The following PTGFRN variants were observed in gnomAD, a reference collection of about 807,000 sequenced individuals.
The protein encoded by PTGFRN is prostaglandin F2 receptor negative regulator.
Under a neutral mutation model 83.2 loss-of-function variants are expected in PTGFRN, and 35 were observed. The ratio of observed to expected loss-of-function variants is 0.42; its 90% CI spans 0.32 to 0.56. The LOEUF (loss-of-function observed/expected upper bound fraction) is 0.56. PTGFRN is among the 20% of genes least tolerant of loss of function. PTGFRN has a pLI of 0.11. For synonymous variants in PTGFRN, 519 were observed against 498.6 expected, an observed-to-expected ratio of 1.04 and a Z score of -0.55; for missense variants, 1,051 against 1,179.5, an observed-to-expected ratio of 0.89 and a Z score of 1.60.
chr1:116,985,073 TTG>T, intron 8 of PTGFRN, 88 bp downstream of exon 8: 1 of 1,369,920 alleles, frequency 7.3e-7, no homozygotes, highest in South Asian at 1.3e-5. Context: ...TGGCCACAGT[TTG>T]AGGAATGTGC....
At chr1:116,932,584 A>T (rs1374331325) in intron 1 of PTGFRN, among the ~76,000 whole-genome samples, 4 of 151,478 alleles carry the variant, frequency 2.6e-5, no homozygotes, top group Non-Finnish European at 5.9e-5. Context: ...AGTACATCAG[A>T]AAAATTTTTG....
At chr1:116,963,373 A>G (rs1650727950) in intron 5 of PTGFRN, among the ~76,000 whole-genome samples, 1 of 152,220 alleles carries the variant, frequency 6.6e-6, no homozygotes, top group Admixed American at 6.5e-5. Flanking sequence ...AGAAATAATC[A>G]GGAGAATTCC....
At chr1:116,978,235 C>T (rs1651212853) in intron 7 of PTGFRN, among the ~76,000 whole-genome samples, 1 of 152,146 alleles carries the variant, frequency 6.6e-6, no homozygotes, top group Non-Finnish European at 1.5e-5. Context: ...TAATTAATAG[C>T]CTACCAACCA....
At position 116,923,065 on chromosome 1, in the gene PTGFRN, A is replaced by C. The variant is rs1265100392; in HGVS notation, c.49+12813A>C. Among the ~76,000 whole-genome samples the C allele has an allele frequency of 6.6e-6, 1 of 152,184 alleles. No homozygotes were observed. Among genetic ancestry groups the C allele is most frequent in the African/African-American group, 2.4e-5 (1 of 41,436 alleles). On this transcript the variant is annotated intron_variant, in intron 1 of 8. Coordinates refer to ENST00000393203, the MANE Select transcript of PTGFRN (RefSeq NM_020440.4). This position sits in a 1 kb window ranked among gnomAD's most constrained non-coding sequence, Gnocchi z 4.0. The stretch of plus-strand genomic sequence containing the variant: ...TCACTCAGCCACCTTCCTTGAGAGC[A>C]CAGCCATCGGTTTGTGATGATCTGT...
chr1:116,930,878 C>G (rs1213677995), intron 1 of PTGFRN, among the ~76,000 whole-genome samples: 1 of 152,126 alleles, frequency 6.6e-6, no homozygotes, highest in Non-Finnish European at 1.5e-5. Flanking sequence ...TGGTCACTTT[C>G]CTCCTTCATG....
chr1:116,975,058 C>T (rs553663387), intron 7 of PTGFRN, among the ~76,000 whole-genome samples: 42 of 152,318 alleles, frequency 2.8e-4, no homozygotes, highest in African/African-American at 9.9e-4. Context: ...TCTTAGCAAA[C>T]GGCACACCAG....
rs189713870 is a variant in PTGFRN at position 116,950,547 on chromosome 1, T to C, written c.1213+975T>C. On this transcript the variant is annotated intron_variant, in intron 4 of 8. Transcript: ENST00000393203. ...AAGGCCAGGAAACCATTTCCTCCTT[T>C]GTCTGATTCTTCTGCTATGACCTCC... is the stretch of plus-strand genomic sequence containing the variant. Among the ~76,000 whole-genome samples the C allele has an allele frequency of 3.9e-3, 601 of 152,340 alleles. 4 individuals are homozygous for C. Among genetic ancestry groups the C allele is most frequent in the South Asian group, 0.026 (127 of 4,832 alleles).
chr1:116,948,620 T>C (rs1012041170), intron 3 of PTGFRN, among the ~76,000 whole-genome samples: 1 of 152,254 alleles, frequency 6.6e-6, no homozygotes, highest in Admixed American at 6.5e-5. Context: ...GCTGCCTTAT[T>C]GCCTAGCCCC....
At chr1:116,910,357 G>T (rs913305945) in intron 1 of PTGFRN, 105 bp downstream of exon 1, 1 of 1,057,808 alleles carries the variant, frequency 9.5e-7, no homozygotes, top group East Asian at 3.6e-5. Flanking sequence ...GAGGGTGCCC[G>T]GGCTGCTCCC....
intron 7 of PTGFRN, among the ~76,000 whole-genome samples, chr1:116,983,498 CAAAAAAAAAAAAAA>C (rs71096893): frequency 9.6e-6 from 1 of 104,036 alleles, no homozygotes; most frequent in Non-Finnish European, 1.9e-5. Flanking sequence ...ACACTGGGAA[CAAAAAAAAAAAAAA>C]AAAAAAAAAA....
At position 116,967,112 on chromosome 1, in the gene PTGFRN, T is replaced by G; in HGVS notation, c.1841T>G (p.Val614Gly). ...YIISLDQDSVVKLENWTDASR... is the reference protein window; with the variant it reads ...YIISLDQDSVGKLENWTDASR... ...ATCTCTCTGGACCAGGATTCTGTGG[T>G]GAAGCTGGAGAATTGGACAGATGCA... Residue 614 changes from valine to glycine, a missense_variant, in exon 6 of 9, where the codon GTG (valine) becomes GGG (glycine). Physicochemically the swap from Val to Gly is moderately radical, Grantham distance 109 (BLOSUM62 -3). This residue lies in a region of PTGFRN where 719 missense variants were observed against 836.6 expected (regional missense o/e 0.86). Coordinates refer to ENST00000393203, the MANE Select transcript of PTGFRN (RefSeq NM_020440.4). The G allele has an allele frequency of 6.2e-7, 1 of 1,614,206 alleles. No individual in the cohort carries two copies. Among genetic ancestry groups the G allele is most frequent in the Non-Finnish European group, 8.5e-7 (1 of 1,180,036 alleles).
At chr1:116,945,375 A>T (rs1350285757) in intron 3 of PTGFRN, among the ~76,000 whole-genome samples, 3 of 152,318 alleles carry the variant, frequency 2.0e-5, no homozygotes, top group African/African-American at 7.2e-5. Flanking sequence ...ACGAAGGCAG[A>T]TCTTTCACTC....
At chr1:116,948,926 T>C (rs931268134) in intron 3 of PTGFRN, among the ~76,000 whole-genome samples, 9 of 152,238 alleles carry the variant, frequency 5.9e-5, no homozygotes, top group Non-Finnish European at 1.2e-4. Flanking sequence ...GATTATTATA[T>C]GTAAAGCACT....
rs76834012 is a variant in PTGFRN at position 116,914,217 on chromosome 1, C to T, written c.49+3965C>T. ...CACTTTGGTAGTCGTCATCACCATT[C>T]CAGCCCCTACAAAGGAGGAAAGAGC... On this transcript the variant is annotated intron_variant, in intron 1 of 8. Coordinates refer to ENST00000393203, the MANE Select transcript of PTGFRN (RefSeq NM_020440.4). 9.8e-3 allele frequency among the ~76,000 whole-genome samples: 1,498 copies of T among 152,326 alleles called. 30 individuals are homozygous for T. Among genetic ancestry groups the T allele is most frequent in the African/African-American group, 0.034 (1,414 of 41,550 alleles).
At chr1:116,925,598 A>G (rs1649638458) in intron 1 of PTGFRN, among the ~76,000 whole-genome samples, 1 of 152,152 alleles carries the variant, frequency 6.6e-6, no homozygotes, top group African/African-American at 2.4e-5. Context: ...TGTCACCTGA[A>G]GGAGCTTAAG....
chr1:116,961,208 A>G lies in PTGFRN; in HGVS notation c.1214-35A>G, dbSNP rs1183775599. On this transcript the variant is annotated intron_variant, in intron 4 of 8. Transcript: ENST00000393203. This position sits in a 1 kb window ranked among gnomAD's most constrained non-coding sequence, Gnocchi z 5.4. ...TAATTCTTGCCATGTTACTCTAATTATTTTCCTATCCTGGCCTTTCTGTCT... is the reference window on the plus strand; with the variant it reads ...TAATTCTTGCCATGTTACTCTAATTGTTTTCCTATCCTGGCCTTTCTGTCT... The G allele has an allele frequency of 1.3e-6, 2 of 1,492,710 alleles. No individual in the cohort carries two copies. Among genetic ancestry groups the G allele is most frequent in the Non-Finnish European group, 1.8e-6 (2 of 1,121,080 alleles). The allele number at this position is 1,492,710 out of a possible 1,614,324, so 92.5% of individuals were successfully genotyped here. A position where few individuals can be genotyped will look rare whatever the true frequency, so the allele number is the denominator to read the frequency against.
At chr1:116,942,110 GCCA>G (rs1186453119) in intron 2 of PTGFRN, 27 bp downstream of exon 2, 1 of 1,583,186 alleles carries the variant, frequency 6.3e-7, no homozygotes, top group East Asian at 2.2e-5. Context: ...GGCTTGTTAT[GCCA>G]GGGGCCAGAC....
rs1651657456 is a variant in PTGFRN at position 116,989,758 on chromosome 1, G to C, written c.*2791G>C. 1 of 152,480 alleles carries C rather than the reference G, an allele frequency of 6.6e-6. No individual in the cohort carries two copies. Among genetic ancestry groups the C allele is most frequent in the South Asian group, 2.1e-4 (1 of 4,822 alleles). The allele number at this position is 152,480 out of a possible 1,614,324, so 9.4% of individuals were successfully genotyped here. The stretch of plus-strand genomic sequence containing the variant: ...TTAACAACTGTTGAGATGTTTCATG[G>C]GACAGTAGAACTCTGACTCACCAAC... On this transcript the variant is annotated 3_prime_UTR_variant, in exon 9 of 9. Coordinates refer to ENST00000393203, the MANE Select transcript of PTGFRN (RefSeq NM_020440.4).
rs753374540 is a variant in PTGFRN at position 116,944,966 on chromosome 1, C to T, written c.706C>T (p.Arg236Trp). The change falls in exon 3 of 9, where the codon CGG becomes TGG. Residue 236 changes from arginine (R) to tryptophan (W), a missense_variant. Physicochemically the swap from Arg to Trp is moderately radical, Grantham distance 101. Around this residue, in one of 3 missense-constraint regions of PTGFRN, gnomAD observed 205 missense variants for 174.5 expected, o/e 1.17. Transcript: ENST00000393203. ...GSDAYRLSVS[R>W]ALSADQGSYR... is the part of the protein sequence containing the mutation. ...CGACGCCTACCGCCTCTCAGTGTCCCGGGCTCTGTCTGCCGACCAGGGCTC... is the reference window on the plus strand; with the variant it reads ...CGACGCCTACCGCCTCTCAGTGTCCTGGGCTCTGTCTGCCGACCAGGGCTC... The T allele has an allele frequency of 3.0e-5, 49 of 1,613,558 alleles. No homozygotes were observed. The highest frequency in any genetic ancestry group is 4.1e-5 in the Non-Finnish European group (48 of 1,180,036).
Sources: allele counts gnomAD v4.1 joint callset (sites outside exome capture counted in the v4.1 genomes callset), GRCh38; gene constraint gnomAD v4.1.1; regional missense constraint gnomAD v4.1.1; non-coding constraint Gnocchi (gnomAD v3.1); transcripts MANE v1.5; gene names NCBI Gene and HGNC (gene_info 2026-07-23, HGNC 2026-07-21).